The following ELAPOR1 variants were observed in gnomAD, a reference collection of about 807,000 sequenced individuals.
ELAPOR1 encodes the protein endosome-lysosome associated apoptosis and autophagy regulator 1.
ELAPOR1 carries 77 observed loss-of-function variants against 119.7 expected under a neutral mutation model. The observed-to-expected ratio is 0.64, with a 90% CI of 0.54 to 0.78. The LOEUF (loss-of-function observed/expected upper bound fraction) is 0.78. Ranked by LOEUF, ELAPOR1 falls within the 30% of genes least tolerant of loss-of-function variation. ELAPOR1 has a pLI of 0.00. For missense variants in ELAPOR1, 1,115 were observed against 1,270.4 expected, an observed-to-expected ratio of 0.88 and a Z score of 1.86; for synonymous variants, 481 against 487.2, an observed-to-expected ratio of 0.99 and a Z score of 0.17.
chr1:109,165,208 C>T (rs1651510710), intron 3 of ELAPOR1, among the ~76,000 whole-genome samples: 1 of 152,158 alleles, frequency 6.6e-6, no homozygotes. Context: ...AAGAGGATAA[C>T]TTGAGCCTAG....
chr1:109,151,493 A>AGGG (rs1650527113), intron 1 of ELAPOR1, among the ~76,000 whole-genome samples: 1 of 152,208 alleles, frequency 6.6e-6, no homozygotes, highest in Non-Finnish European at 1.5e-5. Flanking sequence ...GCCTGAGCAG[A>AGGG]GGAACTCTGA....
In ELAPOR1 at chr1:109,191,457, C is replaced by G; in HGVS notation, c.1531C>G (p.Leu511Val). Residue 511 changes from leucine to valine, a missense_variant, in exon 12 of 22, where the codon CTC becomes GTC. Physicochemically the swap from Leu to Val is conservative, Grantham distance 32. Coordinates refer to ENST00000369939, the MANE Select transcript of ELAPOR1 (RefSeq NM_020775.5). ...FETLCSVNCE[L>V]YFMVGVNSRT... ...GACCCTCTGTTCTGTGAACTGTGAG[C>G]TCTACTTCATGGTGGTACGTTTTCC... The G allele has an allele frequency of 1.2e-6, 2 of 1,613,690 alleles. No homozygotes were observed. Among genetic ancestry groups the G allele is most frequent in the Non-Finnish European group, 1.7e-6 (2 of 1,179,574 alleles).
chr1:109,161,333 C>T (rs1055981911), intron 1 of ELAPOR1, among the ~76,000 whole-genome samples: 2 of 151,154 alleles, frequency 1.3e-5, no homozygotes, highest in African/African-American at 4.9e-5. Context: ...TCGCTTGAAC[C>T]CAGGAGGCGG....
At chr1:109,139,782 T>C (rs1014692483) in intron 1 of ELAPOR1, among the ~76,000 whole-genome samples, 2 of 152,038 alleles carry the variant, frequency 1.3e-5, no homozygotes, top group African/African-American at 4.8e-5. Flanking sequence ...TTTTTTTTCC[T>C]TTTTTTTGAG....
At chr1:109,134,877 A>G (rs1649371234) in intron 1 of ELAPOR1, among the ~76,000 whole-genome samples, 1 of 152,138 alleles carries the variant, frequency 6.6e-6, no homozygotes, top group African/African-American at 2.4e-5. Flanking sequence ...AGAAACTTGA[A>G]GAAAGAATGG....
intron 15 of ELAPOR1, 95 bp downstream of exon 15, chr1:109,194,689 A>ATACATCT: frequency 8.3e-7 from 1 of 1,200,920 alleles, no homozygotes; most frequent in Non-Finnish European, 1.2e-6. Flanking sequence ...GAAATCCTTC[A>ATACATCT]GGTAGCAGGG....
intron 1 of ELAPOR1, among the ~76,000 whole-genome samples, chr1:109,117,206 C>G (rs1330963178): frequency 3.9e-5 from 6 of 152,198 alleles, no homozygotes; most frequent in Non-Finnish European, 2.9e-5. Flanking sequence ...TTCTAGACTG[C>G]TGGACATGTG....
At chr1:109,160,355 T>A (rs1001754327) in intron 1 of ELAPOR1, among the ~76,000 whole-genome samples, 1 of 151,088 alleles carries the variant, frequency 6.6e-6, no homozygotes, top group African/African-American at 2.4e-5. Context: ...TTGCAACAAG[T>A]CTGAAATGCC....
intron 7 of ELAPOR1, among the ~76,000 whole-genome samples, chr1:109,183,201 A>T (rs1652802661): frequency 6.6e-6 from 1 of 152,038 alleles, no homozygotes; most frequent in African/African-American, 2.4e-5. Context: ...TGCTTTAAAG[A>T]GAGAGTCAAG....
At position 109,188,222 on chromosome 1, in the gene ELAPOR1, G is replaced by A. The variant is rs768885842; in HGVS notation, c.1087G>A (p.Asp363Asn). ...GGCCAAGCCGAAAATCTGTAGCGAGGACCTTGAGGGGGCAGTGAAGCTGCC... is the reference window on the plus strand; with the variant it reads ...GGCCAAGCCGAAAATCTGTAGCGAGAACCTTGAGGGGGCAGTGAAGCTGCC... ...KWAKPKICSEDLEGAVKLPAS... is the reference protein window; with the variant it reads ...KWAKPKICSENLEGAVKLPAS... Residue 363 changes from aspartate to asparagine, a missense_variant, in exon 9 of 22, where the codon GAC (aspartate) becomes AAC (asparagine). Transcript: ENST00000369939. 4 of 1,613,410 alleles carry A rather than the reference G, an allele frequency of 2.5e-6. No homozygotes were observed. Among genetic ancestry groups the A allele is most frequent in the African/African-American group, 2.7e-5 (2 of 74,916 alleles).
chr1:109,192,191 A>G (rs1354127393), intron 13 of ELAPOR1, among the ~76,000 whole-genome samples: 1 of 152,246 alleles, frequency 6.6e-6, no homozygotes, highest in Non-Finnish European at 1.5e-5. Flanking sequence ...CTCATTGCAG[A>G]AGACACAGAA....
Position 109,166,651 on chromosome 1 carries a change from A to C in ELAPOR1, c.467+1960A>C, listed in dbSNP as rs577310097. 3.3e-5 allele frequency among the ~76,000 whole-genome samples: 5 copies of C among 152,350 alleles called. No individual in the cohort carries two copies. In the South Asian group the frequency reaches 6.2e-4, roughly 19 times the overall value. On this transcript the variant is annotated intron_variant, in intron 3 of 21. Transcript: ENST00000369939. ...ACCTGCTCTTTGTTATCCGGTTTAC[A>C]GCCGGCGAGATTGAAATTCGAACCC...
rs748832482 is a variant in ELAPOR1 at position 109,194,457 on chromosome 1, C to T, written c.1984C>T (p.Arg662Cys). The T allele has an allele frequency of 9.9e-6, 16 of 1,613,732 alleles. No homozygotes were observed. The highest frequency in any genetic ancestry group is 3.3e-5 in the Admixed American group (2 of 60,004). ...SLCYNDCTFS[R>C]NTPTRTFNYN... ...GTGCTACAACGATTGCACCTTCTCA[C>T]GCAACACTCCGACCAGGACTTTCAA... The change falls in exon 15 of 22, where the codon CGC (arginine) becomes TGC (cysteine). Residue 662 changes from arginine (R) to cysteine (C), a missense_variant. Transcript: ENST00000369939.
intron 14 of ELAPOR1, among the ~76,000 whole-genome samples, chr1:109,193,283 G>A (rs1028354661): frequency 6.6e-6 from 1 of 152,092 alleles, no homozygotes; most frequent in African/African-American, 2.4e-5. Context: ...ACCATTGCTG[G>A]GACATATGAT....
At chr1:109,200,353 G>A (rs1413314753) in intron 20 of ELAPOR1, 116 bp downstream of exon 20, 14 of 1,223,954 alleles carry the variant, frequency 1.1e-5, no homozygotes, top group Non-Finnish European at 1.6e-5. Context: ...CAGACTCTGT[G>A]ACTTATCCAG....
In ELAPOR1 at chr1:109,206,197, T is replaced by C. The variant is rs756114640; in HGVS notation, c.*3185T>C. The C allele has an allele frequency of 1.3e-5, 2 of 152,124 alleles. No individual in the cohort carries two copies. The highest frequency in any genetic ancestry group is 2.9e-5 in the Non-Finnish European group (2 of 68,044). 9.4% of individuals were successfully genotyped at this position (152,124 alleles called of 1,614,324 possible). On this transcript the variant is annotated 3_prime_UTR_variant, in exon 22 of 22. Coordinates refer to ENST00000369939, the MANE Select transcript of ELAPOR1 (RefSeq NM_020775.5). ...GCCTAGCTAATTTTTGTGTTTTTAG[T>C]AGAGATGGGGTTTCACCATGTTGGC...
intron 21 of ELAPOR1, 115 bp downstream of exon 21, chr1:109,201,015 C>G (rs113492649): frequency 1.1e-5 from 10 of 926,656 alleles, no homozygotes; most frequent in Non-Finnish European, 1.4e-5. Context: ...TCCCCACGCC[C>G]GATACAATTC....
intron 2 of ELAPOR1, among the ~76,000 whole-genome samples, chr1:109,163,144 G>A (rs1222224906): frequency 6.6e-6 from 1 of 152,232 alleles, no homozygotes; most frequent in South Asian, 2.1e-4. Flanking sequence ...GGCCACTTGA[G>A]CAAAAGTTTA....
intron 1 of ELAPOR1, among the ~76,000 whole-genome samples, chr1:109,161,046 C>T (rs781631530): frequency 1.3e-5 from 2 of 152,162 alleles, no homozygotes; most frequent in African/African-American, 2.4e-5. Context: ...TCACCTGCCT[C>T]GGCCAAATAT....
Sources: allele counts gnomAD v4.1 joint callset (sites outside exome capture counted in the v4.1 genomes callset), GRCh38; gene constraint gnomAD v4.1.1; transcripts MANE v1.5; gene names NCBI Gene and HGNC (gene_info 2026-07-23, HGNC 2026-07-21).